Variants in UNC119B observed in about 807,000 individuals in gnomAD.
UNC119B encodes protein unc-119 homolog B.
UNC119B carries 16 observed loss-of-function variants against 23.4 expected under a neutral mutation model. The ratio of observed to expected loss-of-function variants is 0.68; its 90% CI spans 0.46 to 1.04. UNC119B has a LOEUF of 1.04. Ranked by LOEUF, UNC119B falls within the 50% of genes least tolerant of loss-of-function variation. The pLI is 0.00. For synonymous variants in UNC119B, 144 were observed against 145.4 expected (o/e 0.99, Z 0.07); for missense variants, 350 against 361.3 (o/e 0.97, Z 0.25).
Position 120,713,267 on chromosome 12 carries a change from T to C in UNC119B, c.245-7T>C. The C allele has an allele frequency of 6.8e-7, 1 of 1,465,606 alleles. No individual in the cohort carries two copies. The highest frequency in any genetic ancestry group is 2.3e-5 in the East Asian group (1 of 43,912). 90.8% of individuals were successfully genotyped at this position (1,465,606 alleles called of 1,614,324 possible). ...TAACAGTGTTGGTTTCTCTCTCTTG[T>C]TTTCAGATTATTTATGTAAACCCGA... On this transcript the variant is annotated splice_polypyrimidine_tract_variant and splice_region_variant and intron_variant, in intron 1 of 4. Coordinates refer to ENST00000344651, the MANE Select transcript of UNC119B (RefSeq NM_001080533.3).
rs895429307 is a variant in UNC119B at position 120,722,838 on chromosome 12, G to A, written c.*2806G>A. 7 of 152,250 alleles carry A rather than the reference G, an allele frequency of 4.6e-5. No individual in the cohort carries two copies. Among genetic ancestry groups the A allele is most frequent in the African/African-American group, 1.7e-4 (7 of 41,474 alleles). 9.4% of individuals were successfully genotyped at this position (152,250 alleles called of 1,614,324 possible). Reference sequence around the variant, plus strand: ...GAAGTTTTGGGCTAAAGTAGGCTATGTCTCCTTATGTATTACTCAATACTG... The same window carrying A: ...GAAGTTTTGGGCTAAAGTAGGCTATATCTCCTTATGTATTACTCAATACTG... On this transcript the variant is annotated 3_prime_UTR_variant, in exon 5 of 5. Transcript: ENST00000344651.
chr12:120,713,277 AT>A lies in UNC119B; in HGVS notation c.251del (p.Leu84TyrfsTer89). Reference sequence around the variant, plus strand: ...GGTTTCTCTCTCTTGTTTTCAGATTATTTATGTAAACCCGAAGACAACATCT... The same window carrying A: ...GGTTTCTCTCTCTTGTTTTCAGATTATTATGTAAACCCGAAGACAACATCT... Reference protein sequence around the residue: ...VLRLSRVTENYLCKPEDNIYS... With the variant: ...VLRLSRVTENXLCKPEDNIYS... On this transcript the variant is annotated frameshift_variant, in exon 2 of 5. Coordinates refer to ENST00000344651, the MANE Select transcript of UNC119B (RefSeq NM_001080533.3). LOFTEE classifies it high-confidence loss of function. The A allele has an allele frequency of 6.2e-7, 1 of 1,603,958 alleles. No individual in the cohort carries two copies. The highest frequency in any genetic ancestry group is 8.5e-7 in the Non-Finnish European group (1 of 1,172,508).
chr12:120,710,577 C>A lies in UNC119B; in HGVS notation c.103C>A (p.Leu35Met). ...EEKKKAGGGVLNRLKARRQAP... is the reference protein window; with the variant it reads ...EEKKKAGGGVMNRLKARRQAP... ...GAAGAAGAAGGCGGGCGGCGGCGTC[C>A]TGAACCGCCTGAAGGCGCGGCGGCA... Residue 35 changes from leucine to methionine, a missense_variant, in exon 1 of 5, where the codon CTG becomes ATG. By Grantham distance (15) the Leu-to-Met change is conservative (BLOSUM62 2). Transcript: ENST00000344651. 2 of 1,416,958 alleles carry A rather than the reference C, an allele frequency of 1.4e-6. No homozygotes were observed. The highest frequency in any genetic ancestry group is 1.5e-5 in the South Asian group (1 of 68,908). The allele number at this position is 1,416,958 out of a possible 1,614,324, so 87.8% of individuals were successfully genotyped here. A position where few individuals can be genotyped will look rare whatever the true frequency, so the allele number is the denominator to read the frequency against.
chr12:120,710,865 G>A, intron 1 of UNC119B, 147 bp downstream of exon 1: 1 of 750,850 alleles, frequency 1.3e-6, no homozygotes, highest in South Asian at 6.8e-5. Context: ...CCGCCGGCCG[G>A]GCTTTGCTCC....
At chr12:120,718,693 G>A (rs34030695) in intron 4 of UNC119B, among the ~76,000 whole-genome samples, 37,663 of 152,162 alleles carry the variant, frequency 0.25, 4,956 homozygotes, top group Middle Eastern at 0.36. Flanking sequence ...TGAATAGTTA[G>A]GGAAAATTCA....
chr12:120,713,199 C>T, intron 1 of UNC119B, 75 bp from the exon 2 acceptor site: 1 of 1,292,158 alleles, frequency 7.7e-7, no homozygotes, highest in South Asian at 1.4e-5. Flanking sequence ...GAGTTTGCTT[C>T]AAAACTTGAG....
chr12:120,713,661 T>TA lies in UNC119B; in HGVS notation c.358+275dup, dbSNP rs1301669272. On this transcript the variant is annotated intron_variant, in intron 2 of 4. Transcript: ENST00000344651. ...TCACACCTCTTTGAGGAATTACTGTTATCTCTGTTTTACAGCGAAGGATCT... is the reference window on the plus strand; with the variant it reads ...TCACACCTCTTTGAGGAATTACTGTTAATCTCTGTTTTACAGCGAAGGATCT... Among the ~76,000 whole-genome samples, 6 of 152,376 alleles carry TA rather than the reference T, an allele frequency of 3.9e-5. No individual in the cohort carries two copies. In the East Asian group the frequency reaches 1.2e-3, roughly 29 times the overall value.
chr12:120,715,208 A>G (rs1009216226), intron 2 of UNC119B, among the ~76,000 whole-genome samples: 1 of 152,170 alleles, frequency 6.6e-6, no homozygotes, highest in African/African-American at 2.4e-5. Flanking sequence ...ATCAATAAAT[A>G]TAAACAACAG....
intron 4 of UNC119B, among the ~76,000 whole-genome samples, chr12:120,718,954 T>C (rs2136932729): frequency 6.6e-6 from 1 of 152,350 alleles, no homozygotes; most frequent in Non-Finnish European, 1.5e-5. Flanking sequence ...CTAGAATATG[T>C]AGATACTTGC....
At chr12:120,715,519 T>G (rs1408796736) in intron 2 of UNC119B, among the ~76,000 whole-genome samples, 1 of 116,536 alleles carries the variant, frequency 8.6e-6, no homozygotes, top group Non-Finnish European at 1.7e-5. Context: ...TGTTCTCTGA[T>G]TCTTTTTTTT....
At chr12:120,715,521 CTTTTTTTTTTTTTTTTT>C (rs55906857) in intron 2 of UNC119B, among the ~76,000 whole-genome samples, 7 of 71,484 alleles carry the variant, frequency 9.8e-5, no homozygotes, top group South Asian at 7.4e-4. Context: ...TTCTCTGATT[CTTTTTTTTTTTTTTTTT>C]TTTTTTTTTT....
intron 4 of UNC119B, among the ~76,000 whole-genome samples, chr12:120,718,527 G>C (rs1413386187): frequency 6.6e-6 from 1 of 152,216 alleles, no homozygotes; most frequent in Admixed American, 6.5e-5. Context: ...AATACTGTTT[G>C]AGGAAGAGTG....
chr12:120,711,453 G>A (rs369460254), intron 1 of UNC119B: 1 of 152,224 alleles, frequency 6.6e-6, no homozygotes. Context: ...ACCATCCTAA[G>A]CTTTTTCGTT....
At chr12:120,715,987 C>T (rs1021202933) in intron 2 of UNC119B, among the ~76,000 whole-genome samples, 5 of 152,192 alleles carry the variant, frequency 3.3e-5, no homozygotes, top group African/African-American at 7.2e-5. Flanking sequence ...AAACATCAGT[C>T]AAGGAACTAT....
chr12:120,716,847 G>T (rs1243966352), intron 3 of UNC119B, 23 bp from the exon 4 acceptor site: 3 of 1,607,524 alleles, frequency 1.9e-6, no homozygotes, highest in East Asian at 2.2e-5. Context: ...GCAAAGTCGG[G>T]CTTACAGAGA....
chr12:120,713,179 G>GA (rs957026684), intron 1 of UNC119B, 95 bp from the exon 2 acceptor site: 5 of 1,040,198 alleles, frequency 4.8e-6, no homozygotes, highest in South Asian at 3.2e-5. Flanking sequence ...TGTTGTGTAA[G>GA]AAAAAATCTG....
intron 1 of UNC119B, among the ~76,000 whole-genome samples, chr12:120,712,523 C>G (rs946493383): frequency 5.3e-5 from 8 of 152,122 alleles, no homozygotes; most frequent in African/African-American, 1.9e-4. Context: ...AATGTCTTCA[C>G]CGGCAGATTT....
chr12:120,710,661 C>T lies in UNC119B; in HGVS notation c.187C>T (p.Leu63=), dbSNP rs1256841391. Residue 63 remains leucine (L), a synonymous_variant, in exon 1 of 5, where the codon CTG becomes TTG. Transcript: ENST00000344651. ...VGAAVTEQEL[L]ALDTIRPEHV... ...GGCAGCGGTCACGGAGCAGGAGCTG[C>T]TGGCGCTGGACACCATCCGGCCCGA... 3 of 1,452,598 alleles carry T rather than the reference C, an allele frequency of 2.1e-6. No individual in the cohort carries two copies. Among genetic ancestry groups the T allele is most frequent in the South Asian group, 1.3e-5 (1 of 75,700 alleles). 90.0% of individuals were successfully genotyped at this position (1,452,598 alleles called of 1,614,324 possible).
rs1882903568 is a variant in UNC119B, at chr12:120,721,595, A to G, written c.*1563A>G. ...GTGGGCTTTAGGGCGAGTGGCCCCGAACCTTGGCCCAGTGCTTTGTCCCAG... is the reference window on the plus strand; with the variant it reads ...GTGGGCTTTAGGGCGAGTGGCCCCGGACCTTGGCCCAGTGCTTTGTCCCAG... On this transcript the variant is annotated 3_prime_UTR_variant, in exon 5 of 5. Transcript: ENST00000344651. 1 of 152,726 alleles carries G rather than the reference A, an allele frequency of 6.5e-6. No homozygotes were observed. Among genetic ancestry groups the G allele is most frequent in the African/African-American group, 2.4e-5 (1 of 41,438 alleles). The allele number at this position is 152,726 out of a possible 1,614,324, so 9.5% of individuals were successfully genotyped here. A position where few individuals can be genotyped will look rare whatever the true frequency, so the allele number is the denominator to read the frequency against.
Sources: allele counts gnomAD v4.1 joint callset (sites outside exome capture counted in the v4.1 genomes callset), GRCh38; gene constraint gnomAD v4.1.1; transcripts MANE v1.5; gene names NCBI Gene and HGNC (gene_info 2026-07-23, HGNC 2026-07-21).